C8orf34: variants seen among roughly 807,000 people sequenced by gnomAD.
C8orf34 encodes the protein chromosome 8 open reading frame 34, also known as uncharacterized protein C8orf34.
In C8orf34, 65 loss-of-function variants were observed where a neutral mutation model predicts 68.3. The ratio of observed to expected loss-of-function variants is 0.95; its 90% CI spans 0.78 to 1.17. The LOEUF is 1.17. Among genes scored for constraint, C8orf34 ranks in the 50% most tolerant of loss-of-function variants. C8orf34 has a pLI of 0.00. For missense variants in C8orf34, 664 were observed against 655.4 expected (o/e 1.01, Z -0.14); for synonymous variants, 244 against 241.2 (o/e 1.01, Z -0.11).
chr8:68,657,025 C>T (rs750359260), intron 8 of C8orf34, among the ~76,000 whole-genome samples: 3 of 152,134 alleles, frequency 2.0e-5, no homozygotes, highest in Non-Finnish European at 2.9e-5. Flanking sequence ...TTTTTATCTT[C>T]TGCCCTGAAC....
rs1457291899 is a variant in C8orf34, at chr8:68,533,093, C to T, written c.1049C>T (p.Thr350Ile). The change falls in exon 7 of 14, where the codon ACC becomes ATC. Residue 350 changes from threonine (T) to isoleucine (I), a missense_variant. Thr to Ile is a moderately conservative substitution (Grantham distance 89). Coordinates refer to ENST00000518698, the MANE Select transcript of C8orf34 (RefSeq NM_052958.4). ...TCTTTTGAGTCCATCCACAGCCCTA[C>T]CCCATCTGTAACAGAAGAAGATATT... ...QDSFESIHSP[T>I]PSVTEEDIDN... is the part of the protein sequence containing the mutation. 10 of 1,611,794 alleles carry T rather than the reference C, an allele frequency of 6.2e-6. No homozygotes were observed. Among genetic ancestry groups the T allele is most frequent in the African/African-American group, 2.7e-5 (2 of 74,816 alleles).
At chr8:68,558,454 C>T (rs913279385) in intron 7 of C8orf34, among the ~76,000 whole-genome samples, 1 of 151,918 alleles carries the variant, frequency 6.6e-6, no homozygotes, top group Non-Finnish European at 1.5e-5. Context: ...TTTTACCAAA[C>T]AGAAAAGAAA....
intron 13 of C8orf34, among the ~76,000 whole-genome samples, chr8:68,816,938 G>A (rs1440804764): frequency 3.3e-5 from 5 of 152,110 alleles, no homozygotes; most frequent in Non-Finnish European, 5.9e-5. Flanking sequence ...TATATATTAA[G>A]GATATAGGTA....
chr8:68,529,260 C>T (rs1310678809), intron 6 of C8orf34, among the ~76,000 whole-genome samples: 1 of 152,176 alleles, frequency 6.6e-6, no homozygotes, highest in African/African-American at 2.4e-5. Context: ...GCAACCTTGT[C>T]AATGTCACAG....
intron 4 of C8orf34, among the ~76,000 whole-genome samples, chr8:68,475,495 C>T (rs920862525): frequency 2.0e-5 from 3 of 152,112 alleles, no homozygotes; most frequent in African/African-American, 7.2e-5. Flanking sequence ...TTTCTGAGAC[C>T]TCCCCCTAGT....
At chr8:68,757,422 G>C (rs1822895717) in intron 10 of C8orf34, among the ~76,000 whole-genome samples, 1 of 152,114 alleles carries the variant, frequency 6.6e-6, no homozygotes. Flanking sequence ...CTGAGGTCAG[G>C]AGTTCAAGAC....
rs1349880526 is a variant in C8orf34, at chr8:68,535,694, T to A, written c.1105+2545T>A. The A allele has an allele frequency of 3.7e-6, 3 of 802,632 alleles. No individual in the cohort carries two copies. The African/African-American group carries it at 5.6e-5, about 15-fold the overall frequency. The allele number at this position is 802,632 out of a possible 1,614,324, so 49.7% of individuals were successfully genotyped here. A position where few individuals can be genotyped will look rare whatever the true frequency, so the allele number is the denominator to read the frequency against. On this transcript the variant is annotated intron_variant, in intron 7 of 13. Transcript: ENST00000518698. Reference sequence around the variant, plus strand: ...TTTTAGGCATATGAAAATATTATAGTACAACACCTGTAATTTTTAAGTAGA... The same window carrying A: ...TTTTAGGCATATGAAAATATTATAGAACAACACCTGTAATTTTTAAGTAGA...
chr8:68,331,060 C>T lies in C8orf34; in HGVS notation c.48C>T (p.Arg16=). ...AGTTGTCTGAGTTGGCGGCGCTGCG[C>T]CCAGGCTTCCGGCTCTCAGCGCCCC... ...ASELSELAAL[R]PGFRLSAPHA... is the part of the protein sequence containing the mutation. Residue 16 remains arginine, a synonymous_variant, in exon 1 of 14, where the codon CGC becomes CGT. Transcript: ENST00000518698. 1.3e-6 allele frequency: 2 copies of T among 1,482,834 alleles called. No individual in the cohort carries two copies. Among genetic ancestry groups the T allele is most frequent in the Non-Finnish European group, 1.8e-6 (2 of 1,128,080 alleles). The allele number at this position is 1,482,834 out of a possible 1,614,324, so 91.9% of individuals were successfully genotyped here.
At chr8:68,342,805 C>T (rs1806125877) in intron 1 of C8orf34, among the ~76,000 whole-genome samples, 1 of 152,012 alleles carries the variant, frequency 6.6e-6, no homozygotes, top group Non-Finnish European at 1.5e-5. Flanking sequence ...TTAATACTGG[C>T]CCCCAAATGC....
chr8:68,457,124 A>C (rs1340296154), intron 3 of C8orf34, among the ~76,000 whole-genome samples: 1 of 151,756 alleles, frequency 6.6e-6, no homozygotes, highest in African/African-American at 2.4e-5. Context: ...ATGCTCCTGC[A>C]TTTAAGGGAG....
At chr8:68,335,673 C>G (rs1805818163) in intron 1 of C8orf34, among the ~76,000 whole-genome samples, 1 of 152,140 alleles carries the variant, frequency 6.6e-6, no homozygotes, top group African/African-American at 2.4e-5. Context: ...TTTCATGCAG[C>G]TTTTAAATAG....
intron 7 of C8orf34, among the ~76,000 whole-genome samples, chr8:68,565,438 T>G (rs2130209237): frequency 6.6e-6 from 1 of 152,242 alleles, no homozygotes; most frequent in East Asian, 1.9e-4. Flanking sequence ...CAGCTGTCTC[T>G]GAGGATATGC....
intron 7 of C8orf34, among the ~76,000 whole-genome samples, chr8:68,598,542 A>G (rs191578285): frequency 6.6e-6 from 1 of 152,246 alleles, no homozygotes; most frequent in Non-Finnish European, 1.5e-5. Flanking sequence ...GTATCAACAA[A>G]CATCAAGAAG....
In C8orf34 at chr8:68,468,684, A is replaced by G. The variant is rs778858551; in HGVS notation, c.608-8A>G. The G allele has an allele frequency of 1.2e-6, 2 of 1,602,494 alleles. No individual in the cohort carries two copies. Among genetic ancestry groups the G allele is most frequent in the South Asian group, 2.3e-5 (2 of 88,816 alleles). ...TGCTTATGAAATTACCATTTTTTTT[A>G]AACATAGTGCCAAGGTCAGTAGAGC... is the stretch of plus-strand genomic sequence containing the variant. On this transcript the variant is annotated splice_region_variant and splice_polypyrimidine_tract_variant and intron_variant, in intron 3 of 13. Transcript: ENST00000518698.
intron 1 of C8orf34, among the ~76,000 whole-genome samples, chr8:68,361,826 C>T (rs1334022554): frequency 1.3e-5 from 2 of 152,174 alleles, no homozygotes; most frequent in Non-Finnish European, 2.9e-5. Context: ...GTCTACAGAA[C>T]TGTGAAATAA....
At chr8:68,440,376 T>C (rs1200009800) in intron 2 of C8orf34, among the ~76,000 whole-genome samples, 5 of 152,158 alleles carry the variant, frequency 3.3e-5, no homozygotes, top group Non-Finnish European at 5.9e-5. Context: ...CTCCACCTCT[T>C]CATGCTTTAT....
chr8:68,374,108 T>C (rs536326483), intron 1 of C8orf34, among the ~76,000 whole-genome samples: 16 of 152,246 alleles, frequency 1.1e-4, no homozygotes, highest in Admixed American at 1.3e-4. Flanking sequence ...AGAGATGCAG[T>C]CTCGCTATTT....
chr8:68,763,643 C>T (rs962875954), intron 10 of C8orf34, among the ~76,000 whole-genome samples: 5 of 152,078 alleles, frequency 3.3e-5, no homozygotes, highest in African/African-American at 7.2e-5. Flanking sequence ...TCCCCGATCC[C>T]GTCATTTTGA....
In C8orf34 at chr8:68,523,938, C is replaced by T. The variant is rs1563506207; in HGVS notation, c.938+1967C>T. Among the ~76,000 whole-genome samples the T allele has an allele frequency of 2.6e-5, 4 of 152,170 alleles. No homozygotes were observed. The South Asian group carries it at 8.3e-4, about 31-fold the overall frequency. ...GACTCCATCCATTTTTCACCTCACC[C>T]TCTCCACTGGGGCTGGCACATTTTT... On this transcript the variant is annotated intron_variant, in intron 6 of 13. Transcript: ENST00000518698.
Sources: gnomAD v4.1 joint callset for allele counts (sites outside exome capture counted in the v4.1 genomes callset) on GRCh38, gnomAD v4.1.1 for gene constraint, MANE v1.5 for transcripts, NCBI Gene and HGNC (gene_info 2026-07-23, HGNC 2026-07-21) for gene names.